SFXN5: variants seen among roughly 807,000 people sequenced by gnomAD.
SFXN5 encodes sideroflexin 5.
Under a neutral mutation model 50.2 loss-of-function variants are expected in SFXN5, and 43 were observed. The observed-to-expected ratio is 0.86, with a 90% confidence interval of 0.67 to 1.11. SFXN5 has a LOEUF of 1.11. SFXN5 is among the 50% of genes least tolerant of loss of function. The pLI is 0.00. For missense variants in SFXN5, 463 were observed against 454.1 expected (o/e 1.02, Z -0.18); for synonymous variants, 203 against 185.8 (o/e 1.09, Z -0.75).
At chr2:72,998,048 A>C (rs1673454383) in intron 9 of SFXN5, 2 of 152,298 alleles carry the variant, frequency 1.3e-5, no homozygotes, top group African/African-American at 2.4e-5. Flanking sequence ...GGTGTGCCCC[A>C]CTGTGCTCAG....
intron 10 of SFXN5, among the ~76,000 whole-genome samples, chr2:72,981,965 TTG>T (rs10582006): frequency 0.74 from 108,200 of 145,584 alleles, 42,393 homozygotes; most frequent in South Asian, 0.86. Flanking sequence ...CACTGGAACT[TTG>T]TGTGTGTGTG....
At chr2:72,987,137 T>G (rs1256397217) in intron 10 of SFXN5, among the ~76,000 whole-genome samples, 1 of 152,156 alleles carries the variant, frequency 6.6e-6, no homozygotes, top group East Asian at 1.9e-4. Flanking sequence ...GTTTTGTTTT[T>G]GAGACGGAGT....
chr2:73,020,413 G>C (rs912592514), intron 5 of SFXN5, 149 bp from the exon 6 acceptor site: 16 of 699,176 alleles, frequency 2.3e-5, no homozygotes, highest in Admixed American at 1.1e-4. Context: ...CTATCTCATA[G>C]ACCCTTTCCC....
chr2:73,045,175 A>G (rs1680160301), intron 2 of SFXN5, among the ~76,000 whole-genome samples: 1 of 152,172 alleles, frequency 6.6e-6, no homozygotes, highest in African/African-American at 2.4e-5. Flanking sequence ...AGGGAAAGGT[A>G]CTTCCTTGCC....
At chr2:73,056,700 A>C (rs1355792356) in intron 2 of SFXN5, among the ~76,000 whole-genome samples, 16 of 151,538 alleles carry the variant, frequency 1.1e-4, no homozygotes, top group South Asian at 2.1e-4. Flanking sequence ...AAAAAAAAAA[A>C]CACAAAAAAC....
In SFXN5 at chr2:73,020,189, CATTTAAAATAATTTT is replaced by C. The variant is rs778040670; in HGVS notation, c.357+35_357+49del. ...CCGTGAGCAATAACATAAAGTTAGACATTTAAAATAATTTTTTAGAAAAGGAAATCCTTTGAAGGT... is the reference window on the plus strand; with the variant it reads ...CCGTGAGCAATAACATAAAGTTAGACTTAGAAAAGGAAATCCTTTGAAGGT... On this transcript the variant is annotated intron_variant, in intron 6 of 13. Transcript: ENST00000272433. 8 of 1,548,850 alleles carry C rather than the reference CATTTAAAATAATTTT, an allele frequency of 5.2e-6. No homozygotes were observed. In the Admixed American group the frequency reaches 1.2e-4, roughly 23 times the overall value.
chr2:72,986,002 T>C (rs893895338), intron 10 of SFXN5, among the ~76,000 whole-genome samples: 2 of 152,192 alleles, frequency 1.3e-5, no homozygotes, highest in African/African-American at 4.8e-5. Context: ...CTTGGCCGAA[T>C]CCCAGATCCA....
In SFXN5 at chr2:72,968,593, C is replaced by T; in HGVS notation, c.742-60G>A. On this transcript the variant is annotated intron_variant, in intron 11 of 13. Transcript: ENST00000272433. ...TGACAGCTGGTGACAGGACAGCACACCACCCAGAGCCCTAGGTGTGTGCCA... is the reference window on the plus strand; with the variant it reads ...TGACAGCTGGTGACAGGACAGCACATCACCCAGAGCCCTAGGTGTGTGCCA... The T allele has an allele frequency of 3.3e-6, 5 of 1,514,932 alleles. No homozygotes were observed. The South Asian group carries it at 5.7e-5, about 17-fold the overall frequency. The allele number at this position is 1,514,932 out of a possible 1,614,324, so 93.8% of individuals were successfully genotyped here.
intron 2 of SFXN5, among the ~76,000 whole-genome samples, chr2:73,054,563 T>C (rs1190653014): frequency 6.6e-6 from 1 of 152,166 alleles, no homozygotes; most frequent in East Asian, 1.9e-4. Context: ...GGGACCCTCC[T>C]GGCACAGGCA....
intron 3 of SFXN5, among the ~76,000 whole-genome samples, chr2:73,036,771 C>T (rs1000277675): frequency 8.5e-5 from 13 of 152,192 alleles, no homozygotes; most frequent in Non-Finnish European, 1.8e-4. Flanking sequence ...TCACAGGTCT[C>T]AGAAGAACAC....
At chr2:73,053,829 A>G (rs1681715862) in intron 2 of SFXN5, among the ~76,000 whole-genome samples, 1 of 152,048 alleles carries the variant, frequency 6.6e-6, no homozygotes, top group African/African-American at 2.4e-5. Flanking sequence ...CAGACAAATG[A>G]GCTCATCCAA....
rs1672722526 is a variant in SFXN5 at position 72,953,159 on chromosome 2, G to A, written c.945+7972C>T. 6.6e-6 allele frequency among the ~76,000 whole-genome samples: 1 copy of A among 152,140 alleles called. No individual in the cohort carries two copies. Among genetic ancestry groups the A allele is most frequent in the Admixed American group, 6.5e-5 (1 of 15,280 alleles). On this transcript the variant is annotated intron_variant, in intron 13 of 13. Coordinates refer to ENST00000272433, the MANE Select transcript of SFXN5 (RefSeq NM_144579.3). This position sits in a 1 kb window ranked among gnomAD's most constrained non-coding sequence, Gnocchi z 4.1. Reference sequence around the variant, plus strand: ...GTGTGGGGAACAGGCAAAATGACAGGTGGCGTTGGCGTTCCTGGGCTCTGA... The same window carrying A: ...GTGTGGGGAACAGGCAAAATGACAGATGGCGTTGGCGTTCCTGGGCTCTGA...
At chr2:73,012,056 A>G (rs1675568788) in intron 6 of SFXN5, among the ~76,000 whole-genome samples, 1 of 152,244 alleles carries the variant, frequency 6.6e-6, no homozygotes, top group South Asian at 2.1e-4. Flanking sequence ...ATTGTTATGG[A>G]GGCAAACTGC....
At chr2:73,050,779 C>T (rs1252947210) in intron 2 of SFXN5, among the ~76,000 whole-genome samples, 1 of 152,230 alleles carries the variant, frequency 6.6e-6, no homozygotes, top group Non-Finnish European at 1.5e-5. Flanking sequence ...CTTGGCCACA[C>T]TGCTGGTTTC....
intron 2 of SFXN5, chr2:73,044,736 T>C (rs886126716): frequency 1.3e-5 from 2 of 152,362 alleles, no homozygotes; most frequent in African/African-American, 4.8e-5. Context: ...AGGCTGCTGC[T>C]TACCAAACAC....
intron 3 of SFXN5, among the ~76,000 whole-genome samples, chr2:73,023,893 C>G (rs898062409): frequency 6.6e-6 from 1 of 152,186 alleles, no homozygotes; most frequent in Non-Finnish European, 1.5e-5. Flanking sequence ...AGCACAGAGA[C>G]AGGCTGGAGA....
At position 72,970,698 on chromosome 2, in the gene SFXN5, T is replaced by C. The variant is rs550956911; in HGVS notation, c.741+872A>G. Among the ~76,000 whole-genome samples the C allele has an allele frequency of 5.9e-5, 9 of 152,110 alleles. No individual in the cohort carries two copies. The East Asian group carries it at 1.5e-3, about 26-fold the overall frequency. ...CACATGGACTCATGGACTGCGTTTTTTTTTTTTGAGACGGAGTTTCGCTGT... is the reference window on the plus strand; with the variant it reads ...CACATGGACTCATGGACTGCGTTTTCTTTTTTTGAGACGGAGTTTCGCTGT... On this transcript the variant is annotated intron_variant, in intron 11 of 13. Coordinates refer to ENST00000272433, the MANE Select transcript of SFXN5 (RefSeq NM_144579.3).
Position 72,968,364 on chromosome 2 carries a change from T to C in SFXN5, c.827+84A>G, listed in dbSNP as rs116208842. On this transcript the variant is annotated intron_variant, in intron 12 of 13. Transcript: ENST00000272433. Reference sequence around the variant, plus strand: ...GGGTGGGCTTCCTGCCACCCCCTCATCTCTTGCCTGGGCCAGCCGGTTCCC... The same window carrying C: ...GGGTGGGCTTCCTGCCACCCCCTCACCTCTTGCCTGGGCCAGCCGGTTCCC... The C allele has an allele frequency of 0.03, 39,203 of 1,321,176 alleles. 715 individuals are homozygous for C. The highest frequency in any genetic ancestry group is 0.036 in the Non-Finnish European group (33,747 of 943,800). 81.8% of individuals were successfully genotyped at this position (1,321,176 alleles called of 1,614,324 possible).
intron 10 of SFXN5, among the ~76,000 whole-genome samples, chr2:72,986,498 C>T (rs1671943585): frequency 6.6e-6 from 1 of 152,130 alleles, no homozygotes; most frequent in African/African-American, 2.4e-5. Flanking sequence ...CTGACTCCAG[C>T]TCTTCAGATG....
Sources: gnomAD v4.1 joint callset for allele counts (sites outside exome capture counted in the v4.1 genomes callset) on GRCh38, gnomAD v4.1.1 for gene constraint, Gnocchi (gnomAD v3.1) non-coding constraint, MANE v1.5 for transcripts, NCBI Gene and HGNC (gene_info 2026-07-23, HGNC 2026-07-21) for gene names.